SAMD5: variants seen among roughly 807,000 people sequenced by gnomAD.
The protein encoded by SAMD5 is sterile alpha motif domain-containing protein 5.
A neutral mutation model predicts 11.3 loss-of-function variants in SAMD5; 13 were observed. That is an observed-to-expected ratio of 1.15 (90% CI 0.75 to 1.83). SAMD5 has a LOEUF of 1.83. Ranked by LOEUF, SAMD5 falls within the 40% of genes most tolerant of loss-of-function variation. The probability of loss-of-function intolerance (pLI) is 0.00; values close to 1 mark genes in which losing one functional copy is unlikely to be tolerated. For missense variants in SAMD5, 255 were observed against 239.1 expected (o/e 1.07, Z -0.44); for synonymous variants, 129 against 111.3 (o/e 1.16, Z -1.00).
the SAMD5 span, among the ~76,000 whole-genome samples, chr6:147,814,146 A>G: frequency 5.9e-5 from 9 of 152,200 alleles, no homozygotes; most frequent in African/African-American, 1.7e-4. Flanking sequence ...ATAGGATCCA[A>G]TGGAAAACAT....
At chr6:147,639,862 G>A (rs576417586) in intron 1 of SAMD5, among the ~76,000 whole-genome samples, 28 of 151,754 alleles carry the variant, frequency 1.8e-4, no homozygotes, top group Non-Finnish European at 3.4e-4. Context: ...GGAAACAAGG[G>A]CAATTTCTAA....
the SAMD5 span, among the ~76,000 whole-genome samples, chr6:147,801,141 A>T: frequency 6.6e-6 from 1 of 152,168 alleles, no homozygotes; most frequent in African/African-American, 2.4e-5. Context: ...GAAGCTTGAC[A>T]TAGTACAAGG....
At chr6:147,829,288 G>C in the SAMD5 span, among the ~76,000 whole-genome samples, 1 of 152,220 alleles carries the variant, frequency 6.6e-6, no homozygotes, top group Non-Finnish European at 1.5e-5. Flanking sequence ...TGGCAACTGT[G>C]CCTGAGAATG....
chr6:147,745,984 T>G, the SAMD5 span, among the ~76,000 whole-genome samples: 1 of 152,114 alleles, frequency 6.6e-6, no homozygotes, highest in Non-Finnish European at 1.5e-5. Flanking sequence ...TCAAGTCATC[T>G]GCGCTTCTCG....
At chr6:147,642,110 C>T (rs1790321251) in intron 1 of SAMD5, among the ~76,000 whole-genome samples, 1 of 152,176 alleles carries the variant, frequency 6.6e-6, no homozygotes, top group Non-Finnish European at 1.5e-5. Flanking sequence ...ACACACATTA[C>T]AAAACTTTTT....
At chr6:147,872,380 G>A in the SAMD5 span, among the ~76,000 whole-genome samples, 3,873 of 152,266 alleles carry the variant, frequency 0.025, 53 homozygotes, top group African/African-American at 0.034. Flanking sequence ...TTATAAGCAT[G>A]AGCTACCTGT....
intron 1 of SAMD5, among the ~76,000 whole-genome samples, chr6:147,510,522 A>G (rs1788072479): frequency 6.6e-6 from 1 of 152,178 alleles, no homozygotes; most frequent in Admixed American, 6.5e-5. Context: ...CCAACTCCCT[A>G]ATAGGAAATG....
At chr6:147,782,986 T>C in the SAMD5 span, among the ~76,000 whole-genome samples, 1 of 152,214 alleles carries the variant, frequency 6.6e-6, no homozygotes, top group Non-Finnish European at 1.5e-5. Context: ...AACTTAATCA[T>C]ATACTAAAAT....
the SAMD5 span, among the ~76,000 whole-genome samples, chr6:147,865,674 C>T: frequency 6.6e-6 from 1 of 152,076 alleles, no homozygotes; most frequent in Non-Finnish European, 1.5e-5. Flanking sequence ...CTTGGGGAGC[C>T]ATGGATGCCA....
At chr6:147,704,320 A>C (rs1791296654) in intron 1 of SAMD5, among the ~76,000 whole-genome samples, 1 of 152,070 alleles carries the variant, frequency 6.6e-6, no homozygotes, top group Non-Finnish European at 1.5e-5. Flanking sequence ...ATTTTCTAGA[A>C]AAAAAAATCC....
chr6:147,833,189 C>T, the SAMD5 span, among the ~76,000 whole-genome samples: 1,252 of 152,290 alleles, frequency 8.2e-3, 18 homozygotes, highest in African/African-American at 0.029. Context: ...CTGTGTGGCT[C>T]TTTATGCTCT....
the SAMD5 span, among the ~76,000 whole-genome samples, chr6:147,857,182 T>C: frequency 1.3e-5 from 2 of 151,646 alleles, no homozygotes; most frequent in Non-Finnish European, 2.9e-5. Context: ...CTCAGGCTCA[T>C]TTCGGTCACT....
At chr6:147,618,089 C>T (rs1375055809) in intron 1 of SAMD5, among the ~76,000 whole-genome samples, 1 of 152,170 alleles carries the variant, frequency 6.6e-6, no homozygotes, top group African/African-American at 2.4e-5. Flanking sequence ...ATTTAATCCT[C>T]ATAGTAACCT....
intron 1 of SAMD5, among the ~76,000 whole-genome samples, chr6:147,669,417 CTTCTT>C (rs1179473582): frequency 5.7e-4 from 78 of 136,942 alleles, no homozygotes; most frequent in African/African-American, 2.1e-3. Context: ...TCAAGCTCCA[CTTCTT>C]TTTTTTTTTT....
chr6:147,581,770 A>G lies in SAMD5; in HGVS notation c.162+72383A>G, dbSNP rs555850293. ...GGATGGGTGGAAGGTGAGGAAACAA[A>G]GATAAAAAGTATAGAGAGCTTAACT... On this transcript the variant is annotated intron_variant, in intron 1 of 1. Coordinates refer to the SAMD5 transcript ENST00000566741. Among the ~76,000 whole-genome samples, 10 of 152,310 alleles carry G rather than the reference A, an allele frequency of 6.6e-5. No individual in the cohort carries two copies. The South Asian group carries it at 2.1e-3, about 32-fold the overall frequency.
the SAMD5 span, among the ~76,000 whole-genome samples, chr6:147,894,422 T>C: frequency 6.6e-6 from 1 of 152,076 alleles, no homozygotes; most frequent in Non-Finnish European, 1.5e-5. Flanking sequence ...ACATCCAGCC[T>C]AATGCCACAT....
chr6:147,842,934 A>G, the SAMD5 span, among the ~76,000 whole-genome samples: 6 of 152,186 alleles, frequency 3.9e-5, no homozygotes, highest in Admixed American at 1.3e-4. Context: ...ATCTTGACTC[A>G]TTGCAACCTC....
At chr6:147,718,247 A>G (rs1181153516) in intron 1 of SAMD5, among the ~76,000 whole-genome samples, 2 of 152,192 alleles carry the variant, frequency 1.3e-5, no homozygotes, top group Non-Finnish European at 2.9e-5. Context: ...TACTAAGCTG[A>G]GCATTGAGGA....
intron 1 of SAMD5, among the ~76,000 whole-genome samples, chr6:147,625,761 T>C (rs897126634): frequency 1.3e-5 from 2 of 152,206 alleles, no homozygotes; most frequent in Admixed American, 1.3e-4. Flanking sequence ...AGACTCTCTC[T>C]GGCCTTCAAA....
Sources: gnomAD v4.1 joint callset for allele counts (sites outside exome capture counted in the v4.1 genomes callset) on GRCh38, gnomAD v4.1.1 for gene constraint, MANE v1.5 for transcripts, NCBI Gene and HGNC (gene_info 2026-07-23, HGNC 2026-07-21) for gene names.